The following RBFOX1 variants were observed in gnomAD, a reference collection of about 807,000 sequenced individuals.
RBFOX1 encodes RNA binding fox-1 homolog 1.
Under a neutral mutation model 57.7 loss-of-function variants are expected in RBFOX1, and 8 were observed. The observed-to-expected ratio is 0.14, with a 90% CI of 0.08 to 0.25. The LOEUF (loss-of-function observed/expected upper bound fraction) is 0.25. Among genes scored for constraint, RBFOX1 ranks in the 10% least tolerant of loss-of-function variants. The pLI is 1.00. For synonymous variants in RBFOX1, 326 were observed against 222.4 expected (o/e 1.47, Z -4.15); for missense variants, 611 against 548.5 (o/e 1.11, Z -1.14).
intron 4 of RBFOX1, among the ~76,000 whole-genome samples, chr16:7,209,510 T>G (rs1220163027): frequency 6.6e-6 from 1 of 152,184 alleles, no homozygotes; most frequent in Non-Finnish European, 1.5e-5. Context: ...GCCAGCTTAT[T>G]ACATGGCTGG....
intron 4 of RBFOX1, among the ~76,000 whole-genome samples, chr16:7,487,349 G>A (rs1251918532): frequency 6.6e-6 from 1 of 152,108 alleles, no homozygotes; most frequent in Non-Finnish European, 1.5e-5. Flanking sequence ...TCACATGTAT[G>A]GGTCATTGTA....
At chr16:7,518,460 G>T (rs2076848334) in intron 5 of RBFOX1, 71 bp downstream of exon 5, 3 of 1,526,584 alleles carry the variant, frequency 2.0e-6, no homozygotes, top group African/African-American at 1.4e-5. Context: ...TGGCAGCGGG[G>T]GTGCACCCCC....
At chr16:6,653,989 A>AGGGG (rs1714223989) in intron 2 of RBFOX1, among the ~76,000 whole-genome samples, 1 of 147,974 alleles carries the variant, frequency 6.8e-6, no homozygotes, top group African/African-American at 2.5e-5. Context: ...GGATGGATGG[A>AGGGG]TGGATGGATG....
At chr16:7,559,736 C>T (rs1445975703) in intron 5 of RBFOX1, among the ~76,000 whole-genome samples, 1 of 152,200 alleles carries the variant, frequency 6.6e-6, no homozygotes, top group Admixed American at 6.5e-5. Context: ...CTTTGCGGGC[C>T]TTTCGCTTTT....
intron 1 of RBFOX1, among the ~76,000 whole-genome samples, chr16:6,248,847 C>T (rs2097584859): frequency 6.6e-6 from 1 of 152,056 alleles, no homozygotes; most frequent in African/African-American, 2.4e-5. Flanking sequence ...ATATTAAATA[C>T]GTCAACACAT....
intron 5 of RBFOX1, among the ~76,000 whole-genome samples, chr16:7,521,002 C>T (rs923194717): frequency 1.3e-5 from 2 of 152,128 alleles, no homozygotes; most frequent in African/African-American, 4.8e-5. Context: ...GAGGCAGAAA[C>T]TGAGCATGTG....
intron 2 of RBFOX1, among the ~76,000 whole-genome samples, chr16:6,620,318 A>G (rs981086714): frequency 1.3e-5 from 2 of 152,218 alleles, no homozygotes; most frequent in Non-Finnish European, 2.9e-5. Context: ...GATAAAATAT[A>G]CCAGAATCTC....
chr16:6,812,857 A>G (rs983835223), intron 3 of RBFOX1, among the ~76,000 whole-genome samples: 4 of 152,174 alleles, frequency 2.6e-5, no homozygotes, highest in Admixed American at 6.5e-5. Flanking sequence ...GCACTTAGAA[A>G]TGGTGGGAAG....
chr16:7,282,667 G>A (rs545221909), intron 4 of RBFOX1, among the ~76,000 whole-genome samples: 78 of 152,000 alleles, frequency 5.1e-4, no homozygotes, highest in Non-Finnish European at 8.2e-4. Flanking sequence ...GTGAGATTTG[G>A]GTGCACCCAT....
At chr16:7,312,214 T>C (rs1312003782) in intron 4 of RBFOX1, among the ~76,000 whole-genome samples, 1 of 152,198 alleles carries the variant, frequency 6.6e-6, no homozygotes, top group East Asian at 1.9e-4. Context: ...ACCCTGTCTC[T>C]ACTAAAAATA....
intron 2 of RBFOX1, among the ~76,000 whole-genome samples, chr16:6,634,897 C>T (rs1202255013): frequency 7.3e-6 from 1 of 137,870 alleles, no homozygotes; most frequent in African/African-American, 2.6e-5. Flanking sequence ...TAAAAATACA[C>T]ATGTATATAT....
chr16:5,488,982 A>G (rs1453257685), intron 2 of RBFOX1, among the ~76,000 whole-genome samples: 2 of 152,198 alleles, frequency 1.3e-5, no homozygotes, highest in Non-Finnish European at 2.9e-5. Context: ...AGTCTTTGCA[A>G]GTGTTCTGGT....
chr16:5,884,002 G>A (rs1250385485), intron 4 of RBFOX1, among the ~76,000 whole-genome samples: 2 of 152,160 alleles, frequency 1.3e-5, no homozygotes, highest in African/African-American at 4.8e-5. Flanking sequence ...ACTTGGATGT[G>A]ATTTCTGGTT....
intron 1 of RBFOX1, among the ~76,000 whole-genome samples, chr16:5,439,385 T>C (rs1009840189): frequency 6.6e-6 from 1 of 152,162 alleles, no homozygotes; most frequent in Non-Finnish European, 1.5e-5. Flanking sequence ...TTTTAAAAGA[T>C]GATTTTGGTA....
At chr16:6,926,680 G>C (rs1247961166) in intron 3 of RBFOX1, among the ~76,000 whole-genome samples, 6 of 152,108 alleles carry the variant, frequency 3.9e-5, no homozygotes, top group African/African-American at 9.7e-5. Flanking sequence ...GCATGGTTAA[G>C]GTAAAAATGC....
intron 3 of RBFOX1, among the ~76,000 whole-genome samples, chr16:5,856,601 A>ATATATATATATATATG (rs1321996342): frequency 4.6e-4 from 49 of 107,284 alleles, no homozygotes; most frequent in African/African-American, 1.6e-3. Context: ...ATATATATAT[A>ATATATATATATATATG]TATAATCTTA....
intron 1 of RBFOX1, among the ~76,000 whole-genome samples, chr16:5,346,356 CATTACATAA>C (rs1035270130): frequency 1.3e-5 from 2 of 152,144 alleles, no homozygotes; most frequent in African/African-American, 4.8e-5. Flanking sequence ...TCATCATCGT[CATTACATAA>C]ATTGTCAGGA....
At chr16:5,481,380 G>T (rs1420978616) in intron 2 of RBFOX1, among the ~76,000 whole-genome samples, 1 of 152,208 alleles carries the variant, frequency 6.6e-6, no homozygotes, top group African/African-American at 2.4e-5. Flanking sequence ...GATGGACTGG[G>T]AGAACAGGGC....
At chr16:5,979,568 A>G (rs2060132451) in intron 4 of RBFOX1, among the ~76,000 whole-genome samples, 2 of 152,192 alleles carry the variant, frequency 1.3e-5, no homozygotes, top group African/African-American at 4.8e-5. Context: ...CCACGTAGAA[A>G]TTAAAATGCA....
Sources: gnomAD v4.1 joint callset for allele counts (sites outside exome capture counted in the v4.1 genomes callset) on GRCh38, gnomAD v4.1.1 for gene constraint, MANE v1.5 for transcripts, NCBI Gene and HGNC (gene_info 2026-07-23, HGNC 2026-07-21) for gene names.